CP: variants seen among roughly 807,000 people sequenced by gnomAD.
The protein encoded by CP is ceruloplasmin.
In CP, 64 loss-of-function variants were observed where a neutral mutation model predicts 122.4. That is an observed-to-expected ratio of 0.52 (90% CI 0.43 to 0.64). The LOEUF (loss-of-function observed/expected upper bound fraction) is 0.64, where lower values mean the gene tolerates loss of function less well. Ranked by LOEUF, CP falls within the 30% of genes least tolerant of loss-of-function variation. CP has a pLI of 0.00. For synonymous variants in CP, 440 were observed against 436.4 expected (o/e 1.01, Z -0.10); for missense variants, 1,167 against 1,284.4 (o/e 0.91, Z 1.40).
chr3:149,187,817 A>G lies in CP; in HGVS notation c.1864+235T>C. ...CCTCAGTGATGCTGAGGCTGCTGATATAGGGACCACACTTTAAGGACCATT... is the reference window on the plus strand; with the variant it reads ...CCTCAGTGATGCTGAGGCTGCTGATGTAGGGACCACACTTTAAGGACCATT... On this transcript the variant is annotated intron_variant, in intron 10 of 18. Coordinates refer to ENST00000264613, the MANE Select transcript of CP (RefSeq NM_000096.4). 3 of 496,838 alleles carry G rather than the reference A, an allele frequency of 6.0e-6. No individual in the cohort carries two copies. In the South Asian group the frequency reaches 6.5e-5, roughly 11 times the overall value. 30.8% of individuals were successfully genotyped at this position (496,838 alleles called of 1,614,324 possible). A position where few individuals can be genotyped will look rare whatever the true frequency, so the allele number is the denominator to read the frequency against.
At chr3:149,164,859 T>C (rs185612019) in intron 5 of CP, among the ~76,000 whole-genome samples, 70 of 152,276 alleles carry the variant, frequency 4.6e-4, no homozygotes, top group African/African-American at 1.5e-3. Flanking sequence ...CCCTCATGCA[T>C]CTTCATCATT....
chr3:149,178,043 G>A, intron 16 of CP, 64 bp from the exon 17 acceptor site: 2 of 1,420,568 alleles, frequency 1.4e-6, no homozygotes, highest in Non-Finnish European at 1.0e-6. Flanking sequence ...CTATTTCAAA[G>A]AAAATATGAT....
At chr3:149,200,128 C>T (rs1278367276) in intron 7 of CP, 3 of 453,524 alleles carry the variant, frequency 6.6e-6, no homozygotes, top group South Asian at 4.2e-5. Context: ...AAGCTTTACA[C>T]ATCTACAAAA....
chr3:149,197,503 A>G (rs1376786521), intron 9 of CP, among the ~76,000 whole-genome samples: 3 of 148,788 alleles, frequency 2.0e-5, no homozygotes, highest in Non-Finnish European at 4.4e-5. Flanking sequence ...ACCACATTTG[A>G]AGCAGTCTTG....
At chr3:149,200,057 G>A (rs116331539) in intron 7 of CP, 193 bp from the exon 8 acceptor site, 1 of 599,816 alleles carries the variant, frequency 1.7e-6, no homozygotes, top group African/African-American at 1.9e-5. Flanking sequence ...GGAGAGAAGG[G>A]CTTTTTAATT....
At chr3:149,169,027 T>C (rs1193030261), downstream of CP, among the ~76,000 whole-genome samples, 1 of 148,822 alleles carries the variant, frequency 6.7e-6, no homozygotes, top group African/African-American at 2.6e-5. Flanking sequence ...CAAAATATAT[T>C]TGTGTGCATA....
chr3:149,181,976 A>AGGGGGGGGGGGG, intron 14 of CP, 29 bp downstream of exon 14: 1 of 561,808 alleles, frequency 1.8e-6, no homozygotes, highest in Non-Finnish European at 3.3e-6. Context: ...GTTAAAATGC[A>AGGGGGGGGGGGG]CCACCCCCAC....
At chr3:149,190,160 A>G (rs1052652154) in intron 9 of CP, among the ~76,000 whole-genome samples, 1 of 152,202 alleles carries the variant, frequency 6.6e-6, no homozygotes, top group Admixed American at 6.5e-5. Flanking sequence ...ATGTGAAAAG[A>G]CCAGAGAAAT....
chr3:149,197,023 T>C (rs558536220), intron 9 of CP, among the ~76,000 whole-genome samples: 1 of 152,302 alleles, frequency 6.6e-6, no homozygotes, highest in East Asian at 1.9e-4. Context: ...TGGCTCATCC[T>C]GGCTCAAAAA....
At chr3:149,205,729 G>T (rs757693739) in intron 6 of CP, among the ~76,000 whole-genome samples, 2 of 152,126 alleles carry the variant, frequency 1.3e-5, no homozygotes, top group Non-Finnish European at 2.9e-5. Flanking sequence ...AGCTTATCAG[G>T]GGGTGGAGAA....
intron 5 of CP, among the ~76,000 whole-genome samples, chr3:149,165,401 T>G (rs1296849437): frequency 2.0e-5 from 3 of 152,242 alleles, no homozygotes; most frequent in Non-Finnish European, 2.9e-5. Flanking sequence ...AAATATTTGC[T>G]ATTAAAGGAG....
At position 149,202,256 on chromosome 3, in the gene CP, A is replaced by T. The variant is rs35465173; in HGVS notation, c.1209-15T>A. Reference sequence around the variant, plus strand: ...CCGCTGAGTCACTGCAGGGGGAAAAAAGTGTTTAATGCTGGGGTTGAAGTA... The same window carrying T: ...CCGCTGAGTCACTGCAGGGGGAAAATAGTGTTTAATGCTGGGGTTGAAGTA... On this transcript the variant is annotated splice_polypyrimidine_tract_variant and intron_variant, in intron 6 of 18. Transcript: ENST00000264613. 4,090 of 1,614,036 alleles carry T rather than the reference A, an allele frequency of 2.5e-3. 80 individuals carry two copies. In the African/African-American group the frequency reaches 0.045, roughly 18 times the overall value.
intron 2 of CP, among the ~76,000 whole-genome samples, 183 bp downstream of exon 2, chr3:149,212,268 G>A (rs189627684): frequency 1.3e-4 from 19 of 151,598 alleles, no homozygotes; most frequent in South Asian, 8.3e-4. Context: ...CCGAGGTCGT[G>A]CCACTGCACT....
intron 1 of CP, among the ~76,000 whole-genome samples, chr3:149,214,568 AT>A (rs1728335266): frequency 6.6e-6 from 1 of 152,152 alleles, no homozygotes; most frequent in Admixed American, 6.5e-5. Context: ...AAGTGTCATT[AT>A]TTGCAGCCTG....
intron 14 of CP, among the ~76,000 whole-genome samples, chr3:149,180,623 G>A (rs1401425149): frequency 6.6e-6 from 1 of 152,204 alleles, no homozygotes; most frequent in African/African-American, 2.4e-5. Context: ...ATGGTCTCAA[G>A]TGATGTGGTA....
intron 4 of CP, among the ~76,000 whole-genome samples, chr3:149,166,865 ATTATAC>A (rs1236810602): frequency 6.6e-6 from 1 of 152,226 alleles, no homozygotes; most frequent in African/African-American, 2.4e-5. Flanking sequence ...TCAAGATTAT[ATTATAC>A]TTAGATTTAT....
Position 149,178,629 on chromosome 3 carries a change from G to A in CP, c.2664C>T (p.Asp888=), listed in dbSNP as rs1327287034. ...AYYSTVDQVK[D]LYSGLIGPLI... is the part of the protein sequence containing the mutation. ...GGGGGCCAATTAATCCACTGTAGAG[G>A]TCCTGGAAACAAGAAAAATCTTCAG... is the stretch of plus-strand genomic sequence containing the variant. Residue 888 remains aspartate (D), a splice_region_variant and synonymous_variant, in exon 16 of 19, where the codon GAC becomes GAT. Coordinates refer to ENST00000264613, the MANE Select transcript of CP (RefSeq NM_000096.4). 1 of 1,607,268 alleles carries A rather than the reference G, an allele frequency of 6.2e-7. No individual in the cohort carries two copies.
chr3:149,193,880 A>G (rs907752873), intron 9 of CP, among the ~76,000 whole-genome samples: 3 of 152,246 alleles, frequency 2.0e-5, no homozygotes, highest in Non-Finnish European at 4.4e-5. Flanking sequence ...CTGTAGCCAC[A>G]TGGCTAGTAA....
At chr3:149,190,080 A>AAT (rs1726444726) in intron 9 of CP, among the ~76,000 whole-genome samples, 1 of 152,152 alleles carries the variant, frequency 6.6e-6, no homozygotes, top group Non-Finnish European at 1.5e-5. Flanking sequence ...TACAGAGAAA[A>AAT]ATTAACAAAG....
Sources: gnomAD v4.1 joint callset for allele counts (sites outside exome capture counted in the v4.1 genomes callset) on GRCh38, gnomAD v4.1.1 for gene constraint, MANE v1.5 for transcripts, NCBI Gene and HGNC (gene_info 2026-07-23, HGNC 2026-07-21) for gene names.